The following SLC66A2 variants were observed in gnomAD, a reference collection of about 807,000 sequenced individuals.
The protein encoded by SLC66A2 is solute carrier family 66 member 2.
In SLC66A2, 23 loss-of-function variants were observed where a neutral mutation model predicts 25.5. The ratio of observed to expected loss-of-function variants is 0.90; its 90% confidence interval spans 0.65 to 1.28. The LOEUF (loss-of-function observed/expected upper bound fraction) is 1.28, where lower values mean the gene tolerates loss of function less well. SLC66A2 is among the 50% of genes most tolerant of loss of function. The pLI is 0.00. For missense variants in SLC66A2, 396 were observed against 373.1 expected (o/e 1.06, Z -0.51); for synonymous variants, 193 against 166.5 (o/e 1.16, Z -1.23).
rs907712534 is a variant in SLC66A2, at chr18:79,918,395, G to C, written c.608+789C>G. Among the ~76,000 whole-genome samples the C allele has an allele frequency of 1.3e-5, 2 of 149,224 alleles. No homozygotes were observed. The highest frequency in any genetic ancestry group is 4.9e-5 in the African/African-American group (2 of 40,804). ...CTCCGTGAGGAGCGGGCACCGGGGG[G>C]CGGATCCCCAGTGAGGAGCGGGCCC... is the stretch of plus-strand genomic sequence containing the variant. On this transcript the variant is annotated intron_variant, in intron 5 of 5. Coordinates refer to ENST00000397778, the MANE Select transcript of SLC66A2 (RefSeq NM_025078.5). The surrounding 1 kb of genome is among the most constrained non-coding windows in gnomAD (Gnocchi z 4.0).
intron 5 of SLC66A2, among the ~76,000 whole-genome samples, chr18:79,909,254 C>CA: frequency 6.6e-6 from 1 of 152,338 alleles, no homozygotes; most frequent in African/African-American, 2.4e-5. Flanking sequence ...GTGCAACACT[C>CA]AGAGACAAGA....
intron 4 of SLC66A2, among the ~76,000 whole-genome samples, chr18:79,926,949 A>G (rs1986025467): frequency 6.6e-6 from 1 of 152,212 alleles, no homozygotes; most frequent in African/African-American, 2.4e-5. Flanking sequence ...CCCAGCAGCT[A>G]AACTGTATCA....
At chr18:79,939,777 G>C (rs765885695) in intron 3 of SLC66A2, among the ~76,000 whole-genome samples, 2 of 152,144 alleles carry the variant, frequency 1.3e-5, no homozygotes. Flanking sequence ...ACTGTTGGTG[G>C]GAGTGTAAAT....
chr18:79,917,284 C>T lies in SLC66A2; in HGVS notation c.608+1900G>A, dbSNP rs1051904931. On this transcript the variant is annotated intron_variant, in intron 5 of 5. Coordinates refer to ENST00000397778, the MANE Select transcript of SLC66A2 (RefSeq NM_025078.5). This position sits in a 1 kb window ranked among gnomAD's most constrained non-coding sequence, Gnocchi z 6.0. The stretch of plus-strand genomic sequence containing the variant: ...GCTGAGACCTTGAACAACATGCCTG[C>T]GCTGAACAGCAAAACCTGCTACCCT... Among the ~76,000 whole-genome samples the T allele has an allele frequency of 3.9e-5, 6 of 152,222 alleles. No individual in the cohort carries two copies. Among genetic ancestry groups the T allele is most frequent in the Non-Finnish European group, 8.8e-5 (6 of 68,024 alleles).
chr18:79,943,565 ACGCCGCCCCTCCCAGTCCTGAACC>A (rs1198909205), intron 2 of SLC66A2, 103 bp from the exon 3 acceptor site: 2 of 1,380,162 alleles, frequency 1.4e-6, no homozygotes, highest in African/African-American at 1.4e-5. Flanking sequence ...AGGCCCACCC[ACGCCGCCCCTCCCAGTCCTGAACC>A]TGCAGCCGGA....
chr18:79,948,682 G>A (rs1022153334), intron 2 of SLC66A2, among the ~76,000 whole-genome samples: 1 of 152,052 alleles, frequency 6.6e-6, no homozygotes, highest in Admixed American at 6.6e-5. Context: ...TGAGCATACT[G>A]GGGAGGGAAA....
chr18:79,944,891 A>AACAGGAACAGGGGGAACCCCATAGGCCCC (rs1568338715), intron 2 of SLC66A2, among the ~76,000 whole-genome samples: 1 of 146,180 alleles, frequency 6.8e-6, no homozygotes. Flanking sequence ...CCCCTTATCG[A>AACAGGAACAGGGGGAACCCCATAGGCCCC]CTCAGAGCAG....
intron 4 of SLC66A2, among the ~76,000 whole-genome samples, chr18:79,933,179 AG>A: frequency 6.6e-6 from 1 of 152,354 alleles, no homozygotes; most frequent in Admixed American, 6.5e-5. Context: ...TCATCATAGT[AG>A]AATAAAAAAT....
rs1183725094 is a variant in SLC66A2 at position 79,951,581 on chromosome 18, C to G, written c.-100G>C. 1 of 151,762 alleles carries G rather than the reference C, an allele frequency of 6.6e-6. No individual in the cohort carries two copies. The highest frequency in any genetic ancestry group is 1.5e-5 in the Non-Finnish European group (1 of 67,626). The allele number at this position is 151,762 out of a possible 1,614,324, so 9.4% of individuals were successfully genotyped here. A position where few individuals can be genotyped will look rare whatever the true frequency, so the allele number is the denominator to read the frequency against. On this transcript the variant is annotated splice_region_variant and 5_prime_UTR_variant, in exon 1 of 6. Transcript: ENST00000397778. ...CCCGCGCCGCCCCCGCGCTCCTTACCTGCGCCCCCAGCCCCGCGCCCAGCG... is the reference window on the plus strand; with the variant it reads ...CCCGCGCCGCCCCCGCGCTCCTTACGTGCGCCCCCAGCCCCGCGCCCAGCG...
chr18:79,937,103 A>G lies in SLC66A2; in HGVS notation c.338-3081T>C, dbSNP rs998899474. On this transcript the variant is annotated intron_variant, in intron 3 of 5. Coordinates refer to ENST00000397778, the MANE Select transcript of SLC66A2 (RefSeq NM_025078.5). The surrounding 1 kb of genome is among the most constrained non-coding windows in gnomAD (Gnocchi z 5.4). The stretch of plus-strand genomic sequence containing the variant: ...TGAAGTATTTCACCTCACCAAAAAA[A>G]ACTCCCTAGCTCCATCCACTGAAAA... Among the ~76,000 whole-genome samples, 2 of 152,132 alleles carry G rather than the reference A, an allele frequency of 1.3e-5. No homozygotes were observed. Among genetic ancestry groups the G allele is most frequent in the African/African-American group, 4.8e-5 (2 of 41,422 alleles).
chr18:79,939,280 C>T (rs766766089), intron 3 of SLC66A2, among the ~76,000 whole-genome samples: 6 of 152,218 alleles, frequency 3.9e-5, no homozygotes, highest in Non-Finnish European at 8.8e-5. Flanking sequence ...ATGTCCTCAT[C>T]GGTCTGCCAA....
At chr18:79,948,990 AAAG>A (rs1262395511) in intron 2 of SLC66A2, among the ~76,000 whole-genome samples, 20 of 152,200 alleles carry the variant, frequency 1.3e-4, no homozygotes, top group African/African-American at 4.3e-4. Context: ...GATGGGAAAG[AAAG>A]AAGGAGTCTC....
chr18:79,947,722 T>C (rs555076351), intron 2 of SLC66A2, among the ~76,000 whole-genome samples: 2 of 149,440 alleles, frequency 1.3e-5, no homozygotes, highest in East Asian at 2.0e-4. Flanking sequence ...TTGTGTGTGA[T>C]GCATCCCGCG....
At chr18:79,925,718 G>C (rs1261454611) in intron 4 of SLC66A2, among the ~76,000 whole-genome samples, 1 of 152,178 alleles carries the variant, frequency 6.6e-6, no homozygotes, top group African/African-American at 2.4e-5. Flanking sequence ...TCTCCTAATG[G>C]GTAAGGAAGA....
At chr18:79,943,119 G>A (rs938594115) in intron 3 of SLC66A2, among the ~76,000 whole-genome samples, 3 of 152,220 alleles carry the variant, frequency 2.0e-5, no homozygotes, top group Non-Finnish European at 2.9e-5. Flanking sequence ...AACTTCCAGT[G>A]AAGAAACTAT....
chr18:79,923,280 C>T (rs559503054), intron 4 of SLC66A2, among the ~76,000 whole-genome samples: 15 of 93,150 alleles, frequency 1.6e-4, no homozygotes, highest in Admixed American at 6.5e-4. Flanking sequence ...CATGGACAGG[C>T]GGGTGGTGGA....
Position 79,940,228 on chromosome 18 carries a change from CG to C in SLC66A2, c.337+3100del, listed in dbSNP as rs1292820651. Among the ~76,000 whole-genome samples the C allele has an allele frequency of 4.6e-5, 7 of 151,908 alleles. No homozygotes were observed. The highest frequency in any genetic ancestry group is 1.0e-4 in the Non-Finnish European group (7 of 67,962). Reference sequence around the variant, plus strand: ...GGGAACAACAGCCACTAGAGCCTGTCGGGGGGTGGAGAGCAGGAGGAGGGAG... The same window carrying C: ...GGGAACAACAGCCACTAGAGCCTGTCGGGGGTGGAGAGCAGGAGGAGGGAG... On this transcript the variant is annotated intron_variant, in intron 3 of 5. Transcript: ENST00000397778. This position sits in a 1 kb window ranked among gnomAD's most constrained non-coding sequence, Gnocchi z 4.1.
Position 79,927,383 on chromosome 18 carries a change from GCACAGA to G in SLC66A2, c.391+6580_391+6585del, listed in dbSNP as rs1225870827. ...AGGGGCACAGGCTACAGTCAGGAGA[GCACAGA>G]CAAGAGGCCCCCGAGGCCACCAGGG... is the stretch of plus-strand genomic sequence containing the variant. On this transcript the variant is annotated intron_variant, in intron 4 of 5. Transcript: ENST00000397778. This position sits in a 1 kb window ranked among gnomAD's most constrained non-coding sequence, Gnocchi z 6.2. Among the ~76,000 whole-genome samples the G allele has an allele frequency of 6.6e-6, 1 of 152,174 alleles. No individual in the cohort carries two copies. Among genetic ancestry groups the G allele is most frequent in the Non-Finnish European group, 1.5e-5 (1 of 68,032 alleles).
chr18:79,905,843 T>C (rs1982049869), intron 5 of SLC66A2, among the ~76,000 whole-genome samples: 1 of 152,234 alleles, frequency 6.6e-6, no homozygotes, highest in African/African-American at 2.4e-5. Flanking sequence ...TTCAACACTT[T>C]GTTTCTAATC....
Sources: gnomAD v4.1 joint callset for allele counts (sites outside exome capture counted in the v4.1 genomes callset) on GRCh38, gnomAD v4.1.1 for gene constraint, Gnocchi (gnomAD v3.1) non-coding constraint, MANE v1.5 for transcripts, NCBI Gene and HGNC (gene_info 2026-07-23, HGNC 2026-07-21) for gene names.